LRP1B: variants seen among roughly 807,000 people sequenced by gnomAD.
LRP1B encodes the protein LDL receptor related protein 1B.
A neutral mutation model predicts 556.6 loss-of-function variants in LRP1B; 217 were observed. The observed-to-expected ratio is 0.39, with a 90% CI of 0.35 to 0.44. The LOEUF (loss-of-function observed/expected upper bound fraction) is 0.44. Among genes scored for constraint, LRP1B ranks in the 20% least tolerant of loss-of-function variants. The pLI is 1.00. For synonymous variants in LRP1B, 2,047 were observed against 1,865.8 expected (o/e 1.10, Z -2.50); for missense variants, 5,053 against 5,620.8 (o/e 0.90, Z 3.23).
At chr2:141,376,546 A>G (rs2104878444) in intron 3 of LRP1B, among the ~76,000 whole-genome samples, 1 of 152,200 alleles carries the variant, frequency 6.6e-6, no homozygotes, top group African/African-American at 2.4e-5. Context: ...GGCACATTCT[A>G]CCTGCATCTA....
intron 3 of LRP1B, among the ~76,000 whole-genome samples, chr2:141,321,018 A>G (rs1408699572): frequency 1.3e-5 from 2 of 152,106 alleles, no homozygotes; most frequent in African/African-American, 2.4e-5. Context: ...CTTCCTCTTT[A>G]TCTTCTTTAA....
At chr2:141,790,362 TATA>T (rs930835756) in intron 2 of LRP1B, among the ~76,000 whole-genome samples, 42 of 151,680 alleles carry the variant, frequency 2.8e-4, no homozygotes, top group Non-Finnish European at 4.1e-4. Flanking sequence ...TTATATTATA[TATA>T]ATTTTTCTGA....
intron 18 of LRP1B, among the ~76,000 whole-genome samples, chr2:140,956,342 C>G (rs1179005707): frequency 2.0e-5 from 3 of 151,610 alleles, no homozygotes; most frequent in African/African-American, 7.3e-5. Context: ...CTATACCATG[C>G]TGATTATACT....
intron 7 of LRP1B, among the ~76,000 whole-genome samples, chr2:141,108,340 T>TTTTC (rs1558865848): frequency 9.0e-6 from 1 of 110,904 alleles, no homozygotes; most frequent in Non-Finnish European, 1.9e-5. Context: ...GTTTCTTTTT[T>TTTTC]TTTTTTTTTT....
intron 1 of LRP1B, among the ~76,000 whole-genome samples, chr2:141,820,072 T>C (rs419533): frequency 0.28 from 43,170 of 151,724 alleles, 6,398 homozygotes; most frequent in African/African-American, 0.36. Context: ...TAAAATGAAA[T>C]ACCTCAATAG....
chr2:141,158,407 G>C (rs1702121531), intron 7 of LRP1B, among the ~76,000 whole-genome samples: 2 of 152,120 alleles, frequency 1.3e-5, no homozygotes, highest in Admixed American at 6.5e-5. Context: ...GCATAGAAAA[G>C]GTGAAATTTG....
intron 1 of LRP1B, among the ~76,000 whole-genome samples, chr2:141,916,337 A>C (rs1416484356): frequency 9.5e-6 from 1 of 105,104 alleles, no homozygotes; most frequent in Non-Finnish European, 2.0e-5. Flanking sequence ...ACCAAATACC[A>C]CACGTTTTCA....
chr2:141,499,665 T>G (rs1002560503), intron 2 of LRP1B, among the ~76,000 whole-genome samples: 3 of 152,040 alleles, frequency 2.0e-5, no homozygotes, highest in African/African-American at 7.2e-5. Flanking sequence ...GAATGAAGAT[T>G]GAAAACATAG....
intron 35 of LRP1B, among the ~76,000 whole-genome samples, chr2:140,735,031 A>C (rs1469836500): frequency 6.6e-6 from 1 of 152,302 alleles, no homozygotes; most frequent in Non-Finnish European, 1.5e-5. Flanking sequence ...CAAAAGACCA[A>C]ACTAGCACAA....
chr2:141,252,715 G>A (rs1219018086), intron 4 of LRP1B, among the ~76,000 whole-genome samples: 2 of 152,082 alleles, frequency 1.3e-5, no homozygotes, highest in Non-Finnish European at 2.9e-5. Context: ...ATGCACTGAG[G>A]TGGAACTCCA....
At chr2:142,024,816 A>G (rs572966171) in intron 1 of LRP1B, among the ~76,000 whole-genome samples, 1 of 152,114 alleles carries the variant, frequency 6.6e-6, no homozygotes, top group East Asian at 1.9e-4. Flanking sequence ...ATATCCCTCC[A>G]TAAATATATA....
rs563682251 is a variant in LRP1B, at chr2:141,585,620, C to CCCTGATTG, written c.206-105095_206-105088dup. Among the ~76,000 whole-genome samples, 550 of 152,092 alleles carry CCCTGATTG rather than the reference C, an allele frequency of 3.6e-3. 3 individuals carry two copies. Among genetic ancestry groups the CCCTGATTG allele is most frequent in the Non-Finnish European group, 6.3e-3 (429 of 67,982 alleles). ...GCCTGTGTGTGTGCCTATTTCATGTCCCTGATTGGCAACTGAGAAGTAACA... is the reference window on the plus strand; with the variant it reads ...GCCTGTGTGTGTGCCTATTTCATGTCCCTGATTGCCTGATTGGCAACTGAGAAGTAACA... On this transcript the variant is annotated intron_variant, in intron 2 of 90. Transcript: ENST00000389484.
At chr2:141,507,332 T>C (rs1467367057) in intron 2 of LRP1B, among the ~76,000 whole-genome samples, 1 of 152,178 alleles carries the variant, frequency 6.6e-6, no homozygotes, top group African/African-American at 2.4e-5. Flanking sequence ...GATTTTATTA[T>C]TAAACCAAAA....
chr2:141,432,061 A>G (rs1258755479), intron 3 of LRP1B, among the ~76,000 whole-genome samples: 1 of 152,136 alleles, frequency 6.6e-6, no homozygotes, highest in Non-Finnish European at 1.5e-5. Flanking sequence ...AAAAGCATTC[A>G]GTCTTTCACT....
rs146488313 is a variant in LRP1B at position 140,736,978 on chromosome 2, T to C, written c.5759-20162A>G. On this transcript the variant is annotated intron_variant, in intron 35 of 90. Transcript: ENST00000389484. ...CTGAAGGAATTGTAGAGCTAGTTCA[T>C]AGAGCATTGTTAAGGCCAAAAATAC... Among the ~76,000 whole-genome samples, 404 of 152,222 alleles carry C rather than the reference T, an allele frequency of 2.7e-3. 2 individuals are homozygous for C. The highest frequency in any genetic ancestry group is 4.1e-3 in the Non-Finnish European group (277 of 68,008).
At chr2:142,081,472 A>G (rs1314938513) in intron 1 of LRP1B, among the ~76,000 whole-genome samples, 2 of 152,166 alleles carry the variant, frequency 1.3e-5, no homozygotes, top group Non-Finnish European at 2.9e-5. Context: ...ATACACATTA[A>G]GCCATTCACT....
chr2:140,248,595 A>C (rs1367211120), intron 86 of LRP1B, among the ~76,000 whole-genome samples: 1 of 151,628 alleles, frequency 6.6e-6, no homozygotes, highest in Non-Finnish European at 1.5e-5. Context: ...GTCTGTATTA[A>C]TAGAGTTAGG....
intron 1 of LRP1B, among the ~76,000 whole-genome samples, chr2:141,849,309 T>C (rs1454408948): frequency 6.6e-6 from 1 of 151,736 alleles, no homozygotes; most frequent in Non-Finnish European, 1.5e-5. Context: ...TCATGTCTTG[T>C]TGCATTGTCA....
intron 3 of LRP1B, among the ~76,000 whole-genome samples, chr2:141,277,353 C>T (rs957960808): frequency 6.6e-6 from 1 of 152,142 alleles, no homozygotes; most frequent in Non-Finnish European, 1.5e-5. Context: ...GAGATGGTAT[C>T]TGACTGTGGT....
Sources: allele counts gnomAD v4.1 joint callset (sites outside exome capture counted in the v4.1 genomes callset), GRCh38; gene constraint gnomAD v4.1.1; transcripts MANE v1.5; gene names NCBI Gene and HGNC (gene_info 2026-07-23, HGNC 2026-07-21).